The following DYNC1LI1 variants were observed in gnomAD, a reference collection of about 807,000 sequenced individuals.
DYNC1LI1 encodes dynein cytoplasmic 1 light intermediate chain 1, also known as cytoplasmic dynein 1 light intermediate chain 1.
In DYNC1LI1, 19 loss-of-function variants were observed where a neutral mutation model predicts 63.8. That is an observed-to-expected ratio of 0.30 (90% confidence interval 0.21 to 0.44). The LOEUF (loss-of-function observed/expected upper bound fraction) is 0.44. Ranked by LOEUF, DYNC1LI1 falls within the 20% of genes least tolerant of loss-of-function variation. The pLI, the probability that DYNC1LI1 is intolerant of heterozygous loss-of-function variation, is 1.00. For missense variants in DYNC1LI1, 565 were observed against 630.2 expected (o/e 0.90, Z 1.11); for synonymous variants, 225 against 232.3 (o/e 0.97, Z 0.28).
chr3:32,553,917 CTGTT>C (rs1323873358), intron 2 of DYNC1LI1, among the ~76,000 whole-genome samples: 3 of 152,230 alleles, frequency 2.0e-5, no homozygotes, highest in Admixed American at 1.3e-4. Context: ...TAAAGCAAGA[CTGTT>C]TGGGAGCCAT....
intron 2 of DYNC1LI1, among the ~76,000 whole-genome samples, chr3:32,569,162 T>C (rs1038592705): frequency 2.6e-5 from 4 of 152,196 alleles, no homozygotes. Context: ...AACTGAGGTT[T>C]ATAGATGTCA....
At chr3:32,557,516 C>A (rs1452888843) in intron 2 of DYNC1LI1, among the ~76,000 whole-genome samples, 1 of 151,174 alleles carries the variant, frequency 6.6e-6, no homozygotes, top group Non-Finnish European at 1.5e-5. Flanking sequence ...GAGCAAGACT[C>A]CGTCTCAAAA....
intron 5 of DYNC1LI1, 179 bp from the exon 6 acceptor site, chr3:32,537,283 G>T: frequency 2.8e-6 from 1 of 358,326 alleles, no homozygotes; most frequent in Non-Finnish European, 5.0e-6. Context: ...AGGGACTAAT[G>T]GATAATTTTA....
intron 2 of DYNC1LI1, among the ~76,000 whole-genome samples, chr3:32,562,748 T>C (rs1698210172): frequency 6.6e-6 from 1 of 152,224 alleles, no homozygotes. Flanking sequence ...TAATTTCTTT[T>C]GGTTCTTTTA....
chr3:32,564,170 G>A (rs1282540389), intron 2 of DYNC1LI1, among the ~76,000 whole-genome samples: 2 of 152,154 alleles, frequency 1.3e-5, no homozygotes, highest in Admixed American at 6.5e-5. Flanking sequence ...ATTAGCCATC[G>A]TGGTGGGACT....
At chr3:32,528,373 T>C (rs1460661198) in intron 12 of DYNC1LI1, 73 bp downstream of exon 12, 3 of 1,541,036 alleles carry the variant, frequency 1.9e-6, no homozygotes, top group Admixed American at 3.5e-5. Context: ...TTATACACTT[T>C]ACATGAGTGA....
intron 5 of DYNC1LI1, among the ~76,000 whole-genome samples, chr3:32,540,151 G>A (rs549590704): frequency 3.3e-5 from 5 of 151,856 alleles, no homozygotes; most frequent in Non-Finnish European, 7.4e-5. Flanking sequence ...TTACAGGTGT[G>A]AGCCACCATG....
intron 4 of DYNC1LI1, among the ~76,000 whole-genome samples, chr3:32,543,232 G>GA (rs1007057489): frequency 0.012 from 1,665 of 144,252 alleles, 36 homozygotes; most frequent in African/African-American, 0.039. Context: ...ATAGTAAACA[G>GA]AAAAAAAAAA....
At chr3:32,568,932 C>T (rs532359996) in intron 2 of DYNC1LI1, among the ~76,000 whole-genome samples, 21 of 151,786 alleles carry the variant, frequency 1.4e-4, no homozygotes, top group Middle Eastern at 3.4e-3. Flanking sequence ...CTTTTGGATC[C>T]TAATTTATTT....
chr3:32,558,429 A>G (rs1309650177), intron 2 of DYNC1LI1, among the ~76,000 whole-genome samples: 3 of 151,722 alleles, frequency 2.0e-5, no homozygotes, highest in Admixed American at 6.6e-5. Flanking sequence ...AAAAAAAGAA[A>G]AGAAAAAGAA....
chr3:32,537,744 C>T (rs191734675), intron 5 of DYNC1LI1, among the ~76,000 whole-genome samples: 8 of 148,168 alleles, frequency 5.4e-5, no homozygotes, highest in Non-Finnish European at 1.0e-4. Flanking sequence ...TCAAACATCA[C>T]GACATCCAAA....
intron 2 of DYNC1LI1, 142 bp from the exon 3 acceptor site, chr3:32,546,107 G>A (rs1244482257): frequency 3.0e-5 from 18 of 604,500 alleles, no homozygotes; most frequent in Middle Eastern, 4.5e-4. Context: ...AGCAGCTACA[G>A]TATTAAACAT....
intron 2 of DYNC1LI1, among the ~76,000 whole-genome samples, chr3:32,553,564 T>A (rs537247394): frequency 6.6e-6 from 1 of 152,222 alleles, no homozygotes; most frequent in South Asian, 2.1e-4. Context: ...CTCCACACAA[T>A]AAATATTAAA....
Position 32,533,456 on chromosome 3 carries a change from A to G in DYNC1LI1, c.969-359T>C, listed in dbSNP as rs533172996. Among the ~76,000 whole-genome samples, 3 of 152,318 alleles carry G rather than the reference A, an allele frequency of 2.0e-5. No homozygotes were observed. In the East Asian group the frequency reaches 5.8e-4, roughly 29 times the overall value. ...CGCACCATTGCATTCCAGGATGGGC[A>G]ACAGGAGTGAGACCCTGTCTCAAAA... On this transcript the variant is annotated intron_variant, in intron 7 of 12. Transcript: ENST00000273130.
At chr3:32,537,187 AG>A in intron 5 of DYNC1LI1, 83 bp from the exon 6 acceptor site, 1 of 715,006 alleles carries the variant, frequency 1.4e-6, no homozygotes, top group Non-Finnish European at 2.2e-6. Context: ...AATTCTGGAT[AG>A]GGGAACATCA....
chr3:32,548,877 A>G (rs1697994668), intron 2 of DYNC1LI1, among the ~76,000 whole-genome samples: 1 of 152,172 alleles, frequency 6.6e-6, no homozygotes, highest in Non-Finnish European at 1.5e-5. Context: ...CTAATTTAAA[A>G]AAAGAATTTG....
intron 8 of DYNC1LI1, chr3:32,532,452 T>C (rs2125430149): frequency 1.6e-5 from 2 of 128,976 alleles, no homozygotes; most frequent in Middle Eastern, 4.2e-3. Context: ...GGTAACACAG[T>C]GAGACTCCAT....
At chr3:32,545,454 C>T in intron 3 of DYNC1LI1, 1 of 334,712 alleles carries the variant, frequency 3.0e-6, no homozygotes, top group Non-Finnish European at 5.4e-6. Flanking sequence ...ATATCATATA[C>T]AAAAATGAGA....
intron 2 of DYNC1LI1, 43 bp downstream of exon 2, chr3:32,570,303 C>A: frequency 6.7e-7 from 1 of 1,488,728 alleles, no homozygotes; most frequent in Non-Finnish European, 9.2e-7. Flanking sequence ...TACCCCGGGC[C>A]GCTGGGGGCC....
Sources: gnomAD v4.1 joint callset for allele counts (sites outside exome capture counted in the v4.1 genomes callset) on GRCh38, gnomAD v4.1.1 for gene constraint, MANE v1.5 for transcripts, NCBI Gene and HGNC (gene_info 2026-07-23, HGNC 2026-07-21) for gene names.